The following WWP2 variants were observed in gnomAD, a reference collection of about 807,000 sequenced individuals.
WWP2 encodes WW domain containing E3 ubiquitin protein ligase 2.
A neutral mutation model predicts 121.0 loss-of-function variants in WWP2; 57 were observed. The ratio of observed to expected loss-of-function variants is 0.47; its 90% confidence interval spans 0.38 to 0.59. The LOEUF (loss-of-function observed/expected upper bound fraction) is 0.59. Ranked by LOEUF, WWP2 falls within the 20% of genes least tolerant of loss-of-function variation. The pLI is 0.00. For synonymous variants in WWP2, 449 were observed against 441.3 expected (o/e 1.02, Z -0.22); for missense variants, 962 against 1,158.9 (o/e 0.83, Z 2.47).
chr16:69,917,732 G>A lies in WWP2; in HGVS notation c.1028G>A (p.Arg343Gln), dbSNP rs367812535. The change falls in exon 10 of 24, where the codon CGA becomes CAA. Residue 343 changes from arginine to glutamine, a missense_variant. Arg to Gln is a conservative substitution (Grantham distance 43). Transcript: ENST00000359154. ...PPGWEKRTDP[R>Q]GRFYYVDHNT... ...AGCTGGGAAAAACGCACAGATCCCC[G>A]AGGCAGGTTTTACTATGTGGATCAC... The A allele has an allele frequency of 6.9e-6, 11 of 1,604,862 alleles. No individual in the cohort carries two copies. Among genetic ancestry groups the A allele is most frequent in the South Asian group, 1.1e-5 (1 of 90,922 alleles).
At chr16:69,779,074 C>T (rs1219024352) in intron 1 of WWP2, among the ~76,000 whole-genome samples, 1 of 152,052 alleles carries the variant, frequency 6.6e-6, no homozygotes. Flanking sequence ...CTCAGCCTCC[C>T]AAGCAGCTGG....
intron 12 of WWP2, among the ~76,000 whole-genome samples, 153 bp downstream of exon 12, chr16:69,929,682 T>C (rs1393137675): frequency 1.3e-5 from 2 of 152,220 alleles, no homozygotes; most frequent in Non-Finnish European, 2.9e-5. Context: ...ACCGTACAGA[T>C]ACACTGTTGG....
Position 69,931,917 on chromosome 16 carries a change from C to T in WWP2, c.1682+27C>T, listed in dbSNP as rs781501910. 6 of 1,594,500 alleles carry T rather than the reference C, an allele frequency of 3.8e-6. No homozygotes were observed. In the East Asian group the frequency reaches 1.3e-4, roughly 36 times the overall value. ...TGAGCTTGAGTGCCCCGGAAGGCTG[C>T]CCTGTACCCCGCTTCCCCAGGCTAC... On this transcript the variant is annotated intron_variant, in intron 16 of 23. Coordinates refer to ENST00000359154, the MANE Select transcript of WWP2 (RefSeq NM_001270454.2).
chr16:69,921,863 CG>C (rs1419613762), intron 10 of WWP2, among the ~76,000 whole-genome samples: 1 of 152,108 alleles, frequency 6.6e-6, no homozygotes, highest in Non-Finnish European at 1.5e-5. Context: ...CACTTGAGGT[CG>C]GGAGTTCAAG....
At chr16:69,867,238 A>C (rs1234166517) in intron 6 of WWP2, among the ~76,000 whole-genome samples, 3 of 151,744 alleles carry the variant, frequency 2.0e-5, no homozygotes, top group Non-Finnish European at 4.4e-5. Flanking sequence ...GCGAGGCTGC[A>C]CTGAGGTAAC....
At chr16:69,774,065 C>G (rs190230929) in intron 1 of WWP2, among the ~76,000 whole-genome samples, 53 of 151,988 alleles carry the variant, frequency 3.5e-4, no homozygotes, top group African/African-American at 1.1e-3. Context: ...TTAATGCTCC[C>G]CAGATAATTC....
rs1024775098 is a variant in WWP2, at chr16:69,940,238, G to A, written c.*298G>A. On this transcript the variant is annotated 3_prime_UTR_variant, in exon 24 of 24. Coordinates refer to ENST00000359154, the MANE Select transcript of WWP2 (RefSeq NM_001270454.2). The stretch of plus-strand genomic sequence containing the variant: ...CCCCTGTCCTCTAGACCCCACCCTG[G>A]GTGTATGTGAGTGTGCAAGGGAAGG... The A allele has an allele frequency of 1.2e-5, 5 of 401,500 alleles. No individual in the cohort carries two copies. Among genetic ancestry groups the A allele is most frequent in the Non-Finnish European group, 2.2e-5 (5 of 222,956 alleles). 24.9% of individuals were successfully genotyped at this position (401,500 alleles called of 1,614,324 possible).
chr16:69,780,652 AAG>A (rs2055644577), intron 1 of WWP2, among the ~76,000 whole-genome samples: 1 of 152,164 alleles, frequency 6.6e-6, no homozygotes, highest in Non-Finnish European at 1.5e-5. Flanking sequence ...ATGAGTAGCA[AAG>A]AGAGTTGATC....
intron 4 of WWP2, among the ~76,000 whole-genome samples, chr16:69,839,746 C>G (rs2056940738): frequency 6.6e-6 from 1 of 152,210 alleles, no homozygotes; most frequent in Non-Finnish European, 1.5e-5. Flanking sequence ...TCCTTAGGGT[C>G]TCCTCGGTTT....
intron 4 of WWP2, among the ~76,000 whole-genome samples, chr16:69,810,043 G>A (rs1339259237): frequency 6.6e-6 from 1 of 152,152 alleles, no homozygotes; most frequent in East Asian, 1.9e-4. Flanking sequence ...TCTCACCGTG[G>A]CCTAGTCTTC....
chr16:69,870,427 A>G lies in WWP2; in HGVS notation c.576-1377A>G, dbSNP rs905013336. 2.6e-5 allele frequency among the ~76,000 whole-genome samples: 4 copies of G among 151,032 alleles called. No individual in the cohort carries two copies. In the Admixed American group the frequency reaches 2.7e-4, roughly 10 times the overall value. On this transcript the variant is annotated intron_variant, in intron 6 of 23. Coordinates refer to ENST00000359154, the MANE Select transcript of WWP2 (RefSeq NM_001270454.2). ...ATGATCCTCCTACTTCAGCCTCTTG[A>G]GTAGCTGGGACTACAGGCATGCACC...
chr16:69,784,091 CTTTTTTTTTTT>C (rs61650147), intron 1 of WWP2, among the ~76,000 whole-genome samples: 4 of 60,876 alleles, frequency 6.6e-5, no homozygotes, highest in African/African-American at 6.8e-5. Flanking sequence ...TTCTTTCTTT[CTTTTTTTTTTT>C]TTTTTTTTTT....
chr16:69,791,855 T>C (rs2055919636), intron 2 of WWP2, among the ~76,000 whole-genome samples: 1 of 152,140 alleles, frequency 6.6e-6, no homozygotes, highest in Non-Finnish European at 1.5e-5. Context: ...GGATTATAGA[T>C]GTGAGCCTCT....
chr16:69,826,937 T>TAAAAA (rs1287319047), intron 4 of WWP2, among the ~76,000 whole-genome samples: 1 of 11,902 alleles, frequency 8.4e-5, no homozygotes. Flanking sequence ...AGACTCCACC[T>TAAAAA]CAAAAAAAAA....
chr16:69,800,372 A>T (rs919987414), intron 4 of WWP2, among the ~76,000 whole-genome samples: 2 of 152,210 alleles, frequency 1.3e-5, no homozygotes, highest in Non-Finnish European at 2.9e-5. Context: ...ATTTATTGCA[A>T]TATTTGGAAA....
intron 19 of WWP2, chr16:69,936,745 C>G: frequency 2.0e-6 from 1 of 502,920 alleles, no homozygotes; most frequent in East Asian, 3.6e-5. Flanking sequence ...CATCTTTCTC[C>G]GGGCCGAAAG....
chr16:69,790,848 T>G (rs2055895075), intron 2 of WWP2, among the ~76,000 whole-genome samples: 1 of 152,180 alleles, frequency 6.6e-6, no homozygotes, highest in South Asian at 2.1e-4. Flanking sequence ...AGTGCTGGGA[T>G]TACAGGTGTG....
chr16:69,871,769 C>T (rs1333549189), intron 6 of WWP2, 35 bp from the exon 7 acceptor site: 3 of 1,613,008 alleles, frequency 1.9e-6, no homozygotes, highest in Middle Eastern at 1.7e-4. Context: ...TTCACAGTGA[C>T]TTATGTCTGT....
chr16:69,813,878 A>G (rs186656665), intron 4 of WWP2, among the ~76,000 whole-genome samples: 1 of 152,276 alleles, frequency 6.6e-6, no homozygotes, highest in Non-Finnish European at 1.5e-5. Flanking sequence ...TTTTGTCCCA[A>G]CATAATCCAA....
Sources: gnomAD v4.1 joint callset for allele counts (sites outside exome capture counted in the v4.1 genomes callset) on GRCh38, gnomAD v4.1.1 for gene constraint, MANE v1.5 for transcripts, NCBI Gene and HGNC (gene_info 2026-07-23, HGNC 2026-07-21) for gene names.